ZNF548: variants seen among roughly 807,000 people sequenced by gnomAD.
ZNF548 encodes zinc finger protein 548.
Under a neutral mutation model 10.2 loss-of-function variants are expected in ZNF548, and 10 were observed. The ratio of observed to expected loss-of-function variants is 0.98; its 90% CI spans 0.60 to 1.66. The LOEUF is 1.66. ZNF548 is among the 40% of genes most tolerant of loss of function. ZNF548 has a pLI of 0.00. For synonymous variants in ZNF548, 217 were observed against 223.5 expected (o/e 0.97, Z 0.26); for missense variants, 599 against 657.0 (o/e 0.91, Z 0.97).
rs2088723021 is a variant in ZNF548, at chr19:57,402,242, T to G, written c.*2353T>G. On this transcript the variant is annotated 3_prime_UTR_variant, in exon 4 of 4. Transcript: ENST00000336128. ...TTTATATGTGGATTCTCTATTTTAT[T>G]GGTCATATGTCTGTCTTTATGTCAG... The G allele has an allele frequency of 6.6e-6, 1 of 152,232 alleles. No individual in the cohort carries two copies. Among genetic ancestry groups the G allele is most frequent in the South Asian group, 2.1e-4 (1 of 4,826 alleles). The allele number at this position is 152,232 out of a possible 1,614,324, so 9.4% of individuals were successfully genotyped here. A position where few individuals can be genotyped will look rare whatever the true frequency, so the allele number is the denominator to read the frequency against.
At position 57,395,967 on chromosome 19, in the gene ZNF548, C is replaced by T. The variant is rs1047686269; in HGVS notation, c.52-1081C>T. On this transcript the variant is annotated intron_variant, in intron 2 of 3. Coordinates refer to ENST00000336128, the MANE Select transcript of ZNF548 (RefSeq NM_001172773.2). The surrounding 1 kb of genome is among the most constrained non-coding windows in gnomAD (Gnocchi z 4.8). ...TCAACCCAGGGCTTAGGGCTGCCCCCGGTGCTAGGGGACTTTGGTGTTCTG... is the reference window on the plus strand; with the variant it reads ...TCAACCCAGGGCTTAGGGCTGCCCCTGGTGCTAGGGGACTTTGGTGTTCTG... Among the ~76,000 whole-genome samples, 9 of 151,928 alleles carry T rather than the reference C, an allele frequency of 5.9e-5. No individual in the cohort carries two copies. Among genetic ancestry groups the T allele is most frequent in the Non-Finnish European group, 1.2e-4 (8 of 67,920 alleles).
At chr19:57,396,351 A>G (rs2123042336) in intron 2 of ZNF548, among the ~76,000 whole-genome samples, 1 of 152,246 alleles carries the variant, frequency 6.6e-6, no homozygotes, top group Non-Finnish European at 1.5e-5. Flanking sequence ...TTTCTACCTT[A>G]TCTTCCATCT....
rs1439748566 is a variant in ZNF548, at chr19:57,395,271, AAGAC to A, written c.51+1049_51+1052del. Among the ~76,000 whole-genome samples the A allele has an allele frequency of 3.3e-5, 5 of 151,934 alleles. No individual in the cohort carries two copies. The highest frequency in any genetic ancestry group is 1.5e-5 in the Non-Finnish European group (1 of 67,992). ...GAGATGGTGGGGTATAGGAGTGAGA[AAGAC>A]TTCTGAAGGAGAGTGGACATGATGG... On this transcript the variant is annotated intron_variant, in intron 2 of 3. Coordinates refer to ENST00000336128, the MANE Select transcript of ZNF548 (RefSeq NM_001172773.2). The surrounding 1 kb of genome is among the most constrained non-coding windows in gnomAD (Gnocchi z 4.8).
chr19:57,390,398 C>A (rs2088614896), intron 1 of ZNF548: 1 of 378,006 alleles, frequency 2.6e-6, no homozygotes, highest in East Asian at 4.0e-5. Flanking sequence ...GCAACCTGAG[C>A]AGCCAGTAAC....
intron 1 of ZNF548, among the ~76,000 whole-genome samples, chr19:57,392,261 A>T (rs1015476676): frequency 6.6e-6 from 1 of 152,140 alleles, no homozygotes; most frequent in African/African-American, 2.4e-5. Flanking sequence ...TTGGTTGATT[A>T]GTCCTTTTGC....
Position 57,398,741 on chromosome 19 carries a change from A to T in ZNF548, c.490A>T (p.Ile164Phe). The change falls in exon 4 of 4, where the codon ATC becomes TTC. Residue 164 changes from isoleucine to phenylalanine, a missense_variant. Coordinates refer to ENST00000336128, the MANE Select transcript of ZNF548 (RefSeq NM_001172773.2). Reference protein sequence around the residue: ...KNHRVHMAEEIFTCMEGWKDL... With the variant: ...KNHRVHMAEEFFTCMEGWKDL... The stretch of plus-strand genomic sequence containing the variant: ...CCACAGAGTTCACATGGCAGAGGAG[A>T]TCTTCACATGCATGGAGGGCTGGAA... The T allele has an allele frequency of 6.2e-7, 1 of 1,614,044 alleles. No homozygotes were observed. The highest frequency in any genetic ancestry group is 8.5e-7 in the Non-Finnish European group (1 of 1,179,914).
rs917531929 is a variant in ZNF548, at chr19:57,400,889, T to C, written c.*1000T>C. 1 of 152,212 alleles carries C rather than the reference T, an allele frequency of 6.6e-6. No individual in the cohort carries two copies. Among genetic ancestry groups the C allele is most frequent in the Non-Finnish European group, 1.5e-5 (1 of 68,036 alleles). The allele number at this position is 152,212 out of a possible 1,614,324, so 9.4% of individuals were successfully genotyped here. ...TTTTTGGGGTTTTTTGTAGTGCCTT[T>C]TGTTTTGGATAGCAGCTATCTTGTT... On this transcript the variant is annotated 3_prime_UTR_variant, in exon 4 of 4. Coordinates refer to ENST00000336128, the MANE Select transcript of ZNF548 (RefSeq NM_001172773.2).
chr19:57,398,534 G>A lies in ZNF548; in HGVS notation c.283G>A (p.Val95Ile), dbSNP rs2088684155. ...ASKPCLSSQK[V>I]HPSETCGPPL... ...AAAGCCCTGTCTGTCCAGCCAGAAG[G>A]TCCACCCTAGTGAGACATGTGGCCC... The change falls in exon 4 of 4, where the codon GTC (valine) becomes ATC (isoleucine). Residue 95 changes from valine (V) to isoleucine (I), a missense_variant. By Grantham distance (29) the Val-to-Ile change is conservative. Transcript: ENST00000336128. 3 of 1,613,928 alleles carry A rather than the reference G, an allele frequency of 1.9e-6. No homozygotes were observed. The highest frequency in any genetic ancestry group is 2.5e-6 in the Non-Finnish European group (3 of 1,179,892).
chr19:57,396,887 T>G, intron 2 of ZNF548, 161 bp from the exon 3 acceptor site: 3 of 1,078,420 alleles, frequency 2.8e-6, no homozygotes, highest in Non-Finnish European at 3.9e-6. Context: ...TGGCTTGGTT[T>G]GAGAATATGG....
intron 3 of ZNF548, among the ~76,000 whole-genome samples, chr19:57,397,616 G>C (rs544612682): frequency 6.6e-6 from 1 of 152,308 alleles, no homozygotes; most frequent in South Asian, 2.1e-4. Flanking sequence ...CTTCTGTGAA[G>C]TTCTTACGAT....
Position 57,401,762 on chromosome 19 carries a change from AG to A in ZNF548, c.*1874del, listed in dbSNP as rs2088719204. ...TTTTTTTTTTTTTTCTTTTGGAGGC[AG>A]AGTCTTGCTCTGTCACCCAGCCTGG... On this transcript the variant is annotated 3_prime_UTR_variant, in exon 4 of 4. Coordinates refer to ENST00000336128, the MANE Select transcript of ZNF548 (RefSeq NM_001172773.2). The A allele has an allele frequency of 6.7e-6, 1 of 149,718 alleles. No homozygotes were observed. The highest frequency in any genetic ancestry group is 1.5e-5 in the Non-Finnish European group (1 of 67,608). 9.3% of individuals were successfully genotyped at this position (149,718 alleles called of 1,614,324 possible). A position where few individuals can be genotyped will look rare whatever the true frequency, so the allele number is the denominator to read the frequency against.
At chr19:57,393,076 C>A in intron 1 of ZNF548, 1 of 724,600 alleles carries the variant, frequency 1.4e-6, no homozygotes, top group Non-Finnish European at 1.7e-6. Context: ...GGTGGAGTAG[C>A]TGGGTTCCAG....
At position 57,399,921 on chromosome 19, in the gene ZNF548, T is replaced by C; in HGVS notation, c.*32T>C. On this transcript the variant is annotated 3_prime_UTR_variant, in exon 4 of 4. Coordinates refer to ENST00000336128, the MANE Select transcript of ZNF548 (RefSeq NM_001172773.2). This position sits in a 1 kb window ranked among gnomAD's most constrained non-coding sequence, Gnocchi z 4.0. ...TAATTGGGTAGTAATGTTATATAAA[T>C]TCCACATTTTTATGCAACTAATCTC... 1 of 1,476,108 alleles carries C rather than the reference T, an allele frequency of 6.8e-7. No homozygotes were observed. The highest frequency in any genetic ancestry group is 9.0e-7 in the Non-Finnish European group (1 of 1,105,984). 91.4% of individuals were successfully genotyped at this position (1,476,108 alleles called of 1,614,324 possible).
intron 2 of ZNF548, among the ~76,000 whole-genome samples, chr19:57,394,938 C>A (rs191509294): frequency 3.3e-3 from 499 of 152,070 alleles, no homozygotes; most frequent in Middle Eastern, 6.8e-3. Context: ...GAGAAGTCAG[C>A]AGTATTAGGA....
rs746861376 is a variant in ZNF548, at chr19:57,390,063, C to T, written c.-37C>T. 6.2e-7 allele frequency: 1 copy of T among 1,607,196 alleles called. No homozygotes were observed. The highest frequency in any genetic ancestry group is 1.3e-5 in the African/African-American group (1 of 74,908). ...TTGTCTTGCCTTTGTCGCTCCCGCC[C>T]CGCTCTTCCCTGGCTGGGCTGGCGG... On this transcript the variant is annotated 5_prime_UTR_variant, in exon 1 of 4. Transcript: ENST00000336128.
Position 57,399,164 on chromosome 19 carries a change from A to T in ZNF548, c.913A>T (p.Ser305Cys). 1.9e-6 allele frequency: 3 copies of T among 1,614,180 alleles called. No homozygotes were observed. Among genetic ancestry groups the T allele is most frequent in the Non-Finnish European group, 2.5e-6 (3 of 1,180,032 alleles). ...CNTCGKFFRY[S>C]STFVRHQRVH... ...CACATGTGGGAAATTCTTTCGGTAC[A>T]GCTCCACATTTGTTAGACATCAGAG... The change falls in exon 4 of 4, where the codon AGC (serine) becomes TGC (cysteine). Residue 305 changes from serine (S) to cysteine (C), a missense_variant. Physicochemically the swap from Ser to Cys is moderately radical, Grantham distance 112. Transcript: ENST00000336128. This position sits in a 1 kb window ranked among gnomAD's most constrained non-coding sequence, Gnocchi z 4.0.
chr19:57,398,656 G>A lies in ZNF548; in HGVS notation c.405G>A (p.Lys135=). ...ICEAELFQHP[K]QQIGENLSRG... is the part of the protein sequence containing the mutation. ...AGGCAGAGCTTTTTCAGCACCCAAA[G>A]CAGCAAATTGGAGAAAATCTTTCCA... The change falls in exon 4 of 4, where the codon AAG becomes AAA. Residue 135 remains lysine (K), a synonymous_variant. Coordinates refer to ENST00000336128, the MANE Select transcript of ZNF548 (RefSeq NM_001172773.2). The A allele has an allele frequency of 6.2e-7, 1 of 1,614,030 alleles. No homozygotes were observed. Among genetic ancestry groups the A allele is most frequent in the Non-Finnish European group, 8.5e-7 (1 of 1,179,896 alleles).
At chr19:57,393,300 A>G (rs1271668749) in intron 1 of ZNF548, among the ~76,000 whole-genome samples, 4 of 152,072 alleles carry the variant, frequency 2.6e-5, no homozygotes, top group Admixed American at 1.3e-4. Flanking sequence ...TTAAACCCCA[A>G]TTAGACAGTA....
intron 1 of ZNF548, chr19:57,392,739 TGTA>T (rs1228514544): frequency 3.1e-6 from 3 of 981,796 alleles, no homozygotes; most frequent in African/African-American, 3.5e-5. Flanking sequence ...ACTAACAACT[TGTA>T]GTATAATTTG....
Sources: gnomAD v4.1 joint callset for allele counts (sites outside exome capture counted in the v4.1 genomes callset) on GRCh38, gnomAD v4.1.1 for gene constraint, Gnocchi (gnomAD v3.1) non-coding constraint, MANE v1.5 for transcripts, NCBI Gene and HGNC (gene_info 2026-07-23, HGNC 2026-07-21) for gene names.